The following NKAIN2 variants were observed in gnomAD, a reference collection of about 807,000 sequenced individuals.
NKAIN2 encodes sodium/potassium transporting ATPase interacting 2, also known as sodium/potassium-transporting ATPase subunit beta-1-interacting protein 2.
A neutral mutation model predicts 32.6 loss-of-function variants in NKAIN2; 14 were observed. The ratio of observed to expected loss-of-function variants is 0.43; its 90% CI spans 0.28 to 0.67. NKAIN2 has a LOEUF of 0.67. Ranked by LOEUF, NKAIN2 falls within the 30% of genes least tolerant of loss-of-function variation. NKAIN2 has a pLI of 0.17. For missense variants in NKAIN2, 198 were observed against 258.3 expected, an observed-to-expected ratio of 0.77 and a Z score of 1.60; for synonymous variants, 80 against 87.2, an observed-to-expected ratio of 0.92 and a Z score of 0.46.
At position 124,163,547 on chromosome 6, in the gene NKAIN2, T is replaced by C. The variant is rs554856586; in HGVS notation, c.55-119458T>C. 8.5e-5 allele frequency among the ~76,000 whole-genome samples: 13 copies of C among 152,148 alleles called. 1 individual carries two copies. The South Asian group carries it at 1.9e-3, about 22-fold the overall frequency. On this transcript the variant is annotated intron_variant, in intron 1 of 6. Coordinates refer to ENST00000368417, the MANE Select transcript of NKAIN2 (RefSeq NM_001040214.3). ...CAAAGTATCCCATCATTAGAATTTT[T>C]CAGATTTAGAACCTATGTAAAATGG... is the stretch of plus-strand genomic sequence containing the variant.
intron 4 of NKAIN2, among the ~76,000 whole-genome samples, chr6:124,702,201 A>G (rs1345044757): frequency 6.6e-6 from 1 of 152,256 alleles, no homozygotes; most frequent in East Asian, 1.9e-4. Flanking sequence ...CAACTCCATT[A>G]GAATCCTTTT....
At chr6:123,901,475 C>A (rs1022296958) in intron 1 of NKAIN2, among the ~76,000 whole-genome samples, 1 of 152,060 alleles carries the variant, frequency 6.6e-6, no homozygotes, top group Non-Finnish European at 1.5e-5. Flanking sequence ...GTATACCAAG[C>A]GTTTCCTTTG....
chr6:124,693,368 A>G (rs921704940), intron 4 of NKAIN2, among the ~76,000 whole-genome samples: 2 of 152,206 alleles, frequency 1.3e-5, no homozygotes, highest in African/African-American at 2.4e-5. Context: ...GTAGTGACCT[A>G]TACCATCAAG....
At chr6:124,515,621 C>T (rs2114783201) in intron 3 of NKAIN2, among the ~76,000 whole-genome samples, 1 of 152,180 alleles carries the variant, frequency 6.6e-6, no homozygotes, top group South Asian at 2.1e-4. Flanking sequence ...TAGGCTCCAC[C>T]TACAACATTA....
intron 1 of NKAIN2, among the ~76,000 whole-genome samples, chr6:123,910,726 G>C (rs905296058): frequency 6.6e-6 from 1 of 151,580 alleles, no homozygotes; most frequent in Non-Finnish European, 1.5e-5. Context: ...GGATGGTCTC[G>C]ATCTCTTGAC....
At chr6:124,391,942 G>A (rs949837944) in intron 3 of NKAIN2, among the ~76,000 whole-genome samples, 1 of 151,988 alleles carries the variant, frequency 6.6e-6, no homozygotes, top group Admixed American at 6.6e-5. Context: ...GTATGAAACT[G>A]GAATCTCCAG....
chr6:124,596,959 C>T (rs1025789931), intron 3 of NKAIN2, among the ~76,000 whole-genome samples: 4 of 151,980 alleles, frequency 2.6e-5, no homozygotes, highest in African/African-American at 4.8e-5. Flanking sequence ...AGGAGAAGAC[C>T]GATGTCCCAA....
At chr6:123,948,250 G>A (rs1268089841) in intron 1 of NKAIN2, among the ~76,000 whole-genome samples, 3 of 151,966 alleles carry the variant, frequency 2.0e-5, no homozygotes, top group Non-Finnish European at 4.4e-5. Flanking sequence ...GTATCCATTT[G>A]ATAAACTGAT....
intron 1 of NKAIN2, among the ~76,000 whole-genome samples, chr6:124,122,364 A>G (rs946695527): frequency 3.9e-5 from 6 of 152,140 alleles, no homozygotes; most frequent in African/African-American, 1.4e-4. Context: ...CATATGTTCA[A>G]TAGTTTTATT....
At chr6:124,503,237 G>A (rs113361097) in intron 3 of NKAIN2, among the ~76,000 whole-genome samples, 143 of 151,708 alleles carry the variant, frequency 9.4e-4, no homozygotes, top group African/African-American at 3.0e-3. Flanking sequence ...TTTTAACTCC[G>A]CCCCAAAAAG....
At chr6:123,927,131 G>GTGGC (rs201578801) in intron 1 of NKAIN2, among the ~76,000 whole-genome samples, 2,009 of 152,250 alleles carry the variant, frequency 0.013, 27 homozygotes, top group Middle Eastern at 0.031. Context: ...AGGCAACCAT[G>GTGGC]TGGCCATGGA....
At chr6:124,475,051 A>G (rs906404812) in intron 3 of NKAIN2, among the ~76,000 whole-genome samples, 3 of 151,692 alleles carry the variant, frequency 2.0e-5, no homozygotes, top group African/African-American at 4.8e-5. Flanking sequence ...GATATAAAGT[A>G]ATGCATTGGT....
At chr6:124,706,832 T>C (rs987736095) in intron 4 of NKAIN2, among the ~76,000 whole-genome samples, 1 of 152,004 alleles carries the variant, frequency 6.6e-6, no homozygotes, top group Non-Finnish European at 1.5e-5. Flanking sequence ...TCTTTATTTA[T>C]AGTTGGTTTT....
intron 3 of NKAIN2, among the ~76,000 whole-genome samples, chr6:124,545,913 C>T (rs971122066): frequency 1.3e-5 from 2 of 151,954 alleles, no homozygotes; most frequent in African/African-American, 4.8e-5. Context: ...ACTGTATACT[C>T]TAATGACACA....
chr6:124,184,742 A>T (rs530023083), intron 1 of NKAIN2, among the ~76,000 whole-genome samples: 16 of 152,302 alleles, frequency 1.1e-4, no homozygotes, highest in African/African-American at 3.1e-4. Flanking sequence ...AACATCCCAG[A>T]TCAACAAAAT....
intron 1 of NKAIN2, among the ~76,000 whole-genome samples, chr6:123,883,700 A>T (rs1773572342): frequency 6.7e-6 from 1 of 150,246 alleles, no homozygotes; most frequent in Non-Finnish European, 1.5e-5. Context: ...ATTACCGGCC[A>T]GGCAATTTAA....
intron 1 of NKAIN2, among the ~76,000 whole-genome samples, chr6:124,059,410 C>T (rs1782819258): frequency 6.6e-6 from 1 of 152,100 alleles, no homozygotes; most frequent in Non-Finnish European, 1.5e-5. Flanking sequence ...ACCTGTAATG[C>T]TCTTAACAGA....
At chr6:123,881,190 T>G (rs1240776575) in intron 1 of NKAIN2, among the ~76,000 whole-genome samples, 1 of 152,088 alleles carries the variant, frequency 6.6e-6, no homozygotes, top group Non-Finnish European at 1.5e-5. Flanking sequence ...CGCAGCTATT[T>G]TTTGTACTTT....
chr6:124,201,851 C>T (rs746316253), intron 1 of NKAIN2, among the ~76,000 whole-genome samples: 6 of 151,926 alleles, frequency 3.9e-5, no homozygotes, highest in Non-Finnish European at 8.8e-5. Context: ...TTGTTTTATC[C>T]TTCATCAAAG....
Sources: allele counts gnomAD v4.1 joint callset (sites outside exome capture counted in the v4.1 genomes callset), GRCh38; gene constraint gnomAD v4.1.1; transcripts MANE v1.5; gene names NCBI Gene and HGNC (gene_info 2026-07-23, HGNC 2026-07-21).